KLHL20: variants seen among roughly 807,000 people sequenced by gnomAD.
The protein encoded by KLHL20 is kelch-like protein 20.
KLHL20 carries 29 observed loss-of-function variants against 69.5 expected under a neutral mutation model. The ratio of observed to expected loss-of-function variants is 0.42; its 90% CI spans 0.31 to 0.57. The LOEUF is 0.57. KLHL20 is among the 20% of genes least tolerant of loss of function. The probability of loss-of-function intolerance (pLI) is 0.18; values close to 1 mark genes in which losing one functional copy is unlikely to be tolerated. For synonymous variants in KLHL20, 253 were observed against 265.2 expected, an observed-to-expected ratio of 0.95 and a Z score of 0.45; for missense variants, 419 against 776.0, an observed-to-expected ratio of 0.54 and a Z score of 5.47.
In KLHL20 at chr1:173,765,716, AATAG is replaced by A. The variant is rs533084287; in HGVS notation, c.1152-427_1152-424del. On this transcript the variant is annotated intron_variant, in intron 7 of 11. Coordinates refer to ENST00000209884, the MANE Select transcript of KLHL20 (RefSeq NM_014458.4). ...AAAAATCTAGAGCTATATTAGCATA[AATAG>A]ATCTCAAAAAACGTTGAGGGAAAAA... 6.2e-4 allele frequency among the ~76,000 whole-genome samples: 94 copies of A among 152,264 alleles called. No homozygotes were observed. The South Asian group carries it at 0.018, about 30-fold the overall frequency.
intron 3 of KLHL20, among the ~76,000 whole-genome samples, chr1:173,742,640 T>C (rs1364323852): frequency 6.6e-6 from 1 of 151,140 alleles, no homozygotes; most frequent in Admixed American, 6.6e-5. Flanking sequence ...CATACGTGTA[T>C]ATACGTGTAT....
chr1:173,784,072 C>T (rs1169153212), intron 11 of KLHL20, among the ~76,000 whole-genome samples: 1 of 152,122 alleles, frequency 6.6e-6, no homozygotes, highest in Non-Finnish European at 1.5e-5. Flanking sequence ...GAGCAAGACT[C>T]CGTCTCAAAA....
intron 7 of KLHL20, 56 bp from the exon 8 acceptor site, chr1:173,766,090 C>T: frequency 7.2e-7 from 1 of 1,394,568 alleles, no homozygotes; most frequent in East Asian, 2.6e-5. Flanking sequence ...AATATGTAAA[C>T]ATAGCCAAGC....
chr1:173,748,909 A>G (rs186162062), intron 3 of KLHL20, among the ~76,000 whole-genome samples: 2 of 152,200 alleles, frequency 1.3e-5, no homozygotes, highest in Admixed American at 6.5e-5. Context: ...TGCTCTAACT[A>G]TAAGTTGCGT....
chr1:173,730,934 A>T (rs1476109887), intron 2 of KLHL20, among the ~76,000 whole-genome samples: 1 of 152,182 alleles, frequency 6.6e-6, no homozygotes, highest in Non-Finnish European at 1.5e-5. Flanking sequence ...TAAACAGGCA[A>T]CCTACAGAAT....
intron 10 of KLHL20, among the ~76,000 whole-genome samples, chr1:173,776,728 G>A (rs961847090): frequency 1.3e-5 from 2 of 152,274 alleles, no homozygotes; most frequent in Admixed American, 6.5e-5. Context: ...ACAGTTCGCT[G>A]TAGATGTATA....
chr1:173,774,513 T>C (rs1648326220), intron 9 of KLHL20, 75 bp downstream of exon 9: 2 of 1,526,900 alleles, frequency 1.3e-6, no homozygotes, highest in African/African-American at 1.4e-5. Flanking sequence ...ACAAAACGTG[T>C]AGAAACTCCA....
chr1:173,776,123 C>T, intron 10 of KLHL20, among the ~76,000 whole-genome samples: 1 of 152,094 alleles, frequency 6.6e-6, no homozygotes, highest in East Asian at 1.9e-4. Flanking sequence ...GGATAAAAGC[C>T]ATTTTAACTG....
rs1265815245 is a variant in KLHL20 at position 173,720,339 on chromosome 1, AAAGAT to A, written c.23+4278_23+4282del. Among the ~76,000 whole-genome samples, 7 of 152,258 alleles carry A rather than the reference AAAGAT, an allele frequency of 4.6e-5. No individual in the cohort carries two copies. The East Asian group carries it at 9.6e-4, about 21-fold the overall frequency. On this transcript the variant is annotated intron_variant, in intron 2 of 11. Transcript: ENST00000209884. ...AAGGAACAGCTTGTGCAAAAAAAAA[AAAGAT>A]AAGAGAGAGTACCAAGACCCAGAAT...
intron 10 of KLHL20, among the ~76,000 whole-genome samples, chr1:173,778,906 A>G (rs1487577817): frequency 6.6e-6 from 1 of 150,580 alleles, no homozygotes; most frequent in Non-Finnish European, 1.5e-5. Flanking sequence ...TCAAAAGTCA[A>G]CTTTTCATTT....
chr1:173,733,593 TA>T (rs1021980093), intron 2 of KLHL20, 119 bp from the exon 3 acceptor site: 3,914 of 832,878 alleles, frequency 4.7e-3, no homozygotes, highest in Non-Finnish European at 5.3e-3. Context: ...ACAAAAAATT[TA>T]AAAAAAAAAT....
chr1:173,735,989 C>T (rs866546435), intron 3 of KLHL20, among the ~76,000 whole-genome samples: 6 of 146,214 alleles, frequency 4.1e-5, no homozygotes, highest in Non-Finnish European at 6.0e-5. Context: ...CTGTTGCCCA[C>T]GCTGGAGTGC....
chr1:173,752,932 A>T (rs762601947), intron 4 of KLHL20, among the ~76,000 whole-genome samples: 2 of 152,018 alleles, frequency 1.3e-5, no homozygotes, highest in African/African-American at 2.4e-5. Context: ...ACTTGGGAGG[A>T]TAAGGCAGGC....
Position 173,756,549 on chromosome 1 carries a change from A to ATTTT in KLHL20, c.968-426_968-425insTTTT, listed in dbSNP as rs1673556762. On this transcript the variant is annotated intron_variant, in intron 6 of 11. Transcript: ENST00000209884. ...CTGTCTCAAAAAATAAAAAATAAAA[A>ATTTT]TGTCGTGCAGTAGATGTTTTGTTGA... 2.6e-5 allele frequency among the ~76,000 whole-genome samples: 4 copies of ATTTT among 152,278 alleles called. No individual in the cohort carries two copies. In the South Asian group the frequency reaches 8.3e-4, roughly 32 times the overall value.
intron 8 of KLHL20, among the ~76,000 whole-genome samples, chr1:173,772,488 T>C (rs895278351): frequency 6.6e-6 from 1 of 152,236 alleles, no homozygotes; most frequent in Non-Finnish European, 1.5e-5. Flanking sequence ...GGAACAAATT[T>C]ATTATCTCAA....
chr1:173,729,674 C>T (rs886629826), intron 2 of KLHL20, among the ~76,000 whole-genome samples: 1 of 152,128 alleles, frequency 6.6e-6, no homozygotes, highest in African/African-American at 2.4e-5. Context: ...AATTCAACAA[C>T]CTTCATGCTA....
chr1:173,774,523 A>G, intron 9 of KLHL20, 85 bp downstream of exon 9: 3 of 1,467,228 alleles, frequency 2.0e-6, no homozygotes, highest in Non-Finnish European at 2.8e-6. Flanking sequence ...TAGAAACTCC[A>G]GGTTATCCTA....
chr1:173,779,310 G>A lies in KLHL20; in HGVS notation c.1639-2814G>A, dbSNP rs143492162. ...TCATGTAGTTGAAAAATTTTATGTC[G>A]TCATATCTTTAATTAGAGAATAATT... On this transcript the variant is annotated intron_variant, in intron 10 of 11. Coordinates refer to ENST00000209884, the MANE Select transcript of KLHL20 (RefSeq NM_014458.4). Among the ~76,000 whole-genome samples the A allele has an allele frequency of 1.9e-4, 28 of 147,202 alleles. No individual in the cohort carries two copies. The East Asian group carries it at 2.0e-3, about 10-fold the overall frequency.
chr1:173,763,591 C>G (rs1331824720), intron 7 of KLHL20, among the ~76,000 whole-genome samples: 1 of 152,094 alleles, frequency 6.6e-6, no homozygotes, highest in Non-Finnish European at 1.5e-5. Flanking sequence ...CAAACACTTA[C>G]AGCCAACTGA....
Sources: gnomAD v4.1 joint callset for allele counts (sites outside exome capture counted in the v4.1 genomes callset) on GRCh38, gnomAD v4.1.1 for gene constraint, MANE v1.5 for transcripts, NCBI Gene and HGNC (gene_info 2026-07-23, HGNC 2026-07-21) for gene names.